POLN: variants seen among roughly 807,000 people sequenced by gnomAD.
POLN encodes the protein DNA polymerase N.
A neutral mutation model predicts 113.5 loss-of-function variants in POLN; 108 were observed. The ratio of observed to expected loss-of-function variants is 0.95; its 90% CI spans 0.81 to 1.12. POLN has a LOEUF of 1.12. POLN is among the 50% of genes most tolerant of loss of function. POLN has a pLI of 0.00. For synonymous variants in POLN, 386 were observed against 391.5 expected (o/e 0.99, Z 0.17); for missense variants, 1,097 against 1,077.1 (o/e 1.02, Z -0.26).
At chr4:2,119,369 C>T (rs568261628) in intron 19 of POLN, among the ~76,000 whole-genome samples, 2 of 152,048 alleles carry the variant, frequency 1.3e-5, no homozygotes, top group Non-Finnish European at 2.9e-5. Flanking sequence ...TGTCTTGGAC[C>T]CCGAAGTGCA....
chr4:2,186,055 A>C (rs971609985), intron 7 of POLN, among the ~76,000 whole-genome samples: 8 of 152,188 alleles, frequency 5.3e-5, no homozygotes, highest in African/African-American at 1.9e-4. Context: ...TTCCAAGGCC[A>C]CACAGAAGTG....
At chr4:2,086,684 G>C (rs1454774759) in intron 20 of POLN, among the ~76,000 whole-genome samples, 2 of 152,086 alleles carry the variant, frequency 1.3e-5, no homozygotes, top group South Asian at 2.1e-4. Flanking sequence ...TGGGATCCTA[G>C]GGAAAGCCTT....
At chr4:2,080,801 A>C in intron 23 of POLN, 157 bp downstream of exon 23, 4 of 1,505,264 alleles carry the variant, frequency 2.7e-6, no homozygotes, top group Non-Finnish European at 3.5e-6. Context: ...GCCTGCTGTG[A>C]GTAGCCCCCA....
intron 13 of POLN, among the ~76,000 whole-genome samples, chr4:2,166,223 T>G (rs1448187354): frequency 2.6e-5 from 4 of 152,154 alleles, no homozygotes; most frequent in African/African-American, 4.8e-5. Flanking sequence ...CTCAACCCCA[T>G]CCCTCCCATT....
intron 24 of POLN, among the ~76,000 whole-genome samples, chr4:2,073,393 G>A (rs901102576): frequency 2.0e-5 from 3 of 152,320 alleles, no homozygotes; most frequent in East Asian, 3.9e-4. Flanking sequence ...TGGGGCAGGC[G>A]TCATGCCAGC....
intron 11 of POLN, 141 bp downstream of exon 11, chr4:2,173,814 C>T (rs570382624): frequency 2.8e-5 from 22 of 799,822 alleles, no homozygotes; most frequent in Admixed American, 2.1e-4. Context: ...CCCCTGCAGG[C>T]GTCAGAAAGA....
intron 19 of POLN, among the ~76,000 whole-genome samples, chr4:2,102,369 C>G (rs1730947070): frequency 6.6e-6 from 1 of 152,186 alleles, no homozygotes; most frequent in Non-Finnish European, 1.5e-5. Context: ...ACCATTACCA[C>G]CTCAGCTGGC....
intron 7 of POLN, among the ~76,000 whole-genome samples, chr4:2,189,291 T>C (rs1372980942): frequency 6.6e-6 from 1 of 152,242 alleles, no homozygotes; most frequent in East Asian, 1.9e-4. Flanking sequence ...ACTTTACTTA[T>C]ACAGACTTAC....
chr4:2,220,455 G>A (rs1734228497), intron 3 of POLN, among the ~76,000 whole-genome samples: 1 of 152,196 alleles, frequency 6.6e-6, no homozygotes, highest in Admixed American at 6.5e-5. Flanking sequence ...TACCCCATAG[G>A]TGGGTTCCCA....
chr4:2,101,533 A>G (rs2108704771), intron 19 of POLN, among the ~76,000 whole-genome samples: 1 of 152,362 alleles, frequency 6.6e-6, no homozygotes, highest in Middle Eastern at 3.4e-3. Flanking sequence ...GGGGGATTGT[A>G]CAATCCAGGC....
intron 2 of POLN, chr4:2,238,478 A>G: frequency 1.8e-6 from 1 of 562,916 alleles, no homozygotes; most frequent in Non-Finnish European, 2.9e-6. Context: ...TGGAAAAAAA[A>G]TAGAAAGGCC....
At chr4:2,228,993 A>T (rs560558272) in intron 3 of POLN, 106 bp downstream of exon 3, 24 of 1,121,370 alleles carry the variant, frequency 2.1e-5, no homozygotes, top group Non-Finnish European at 6.3e-6. Flanking sequence ...AAGGGGCGGG[A>T]GCTGGGCTTC....
chr4:2,190,603 G>A (rs1228940888), intron 7 of POLN, among the ~76,000 whole-genome samples: 3 of 151,894 alleles, frequency 2.0e-5, no homozygotes, highest in Non-Finnish European at 4.4e-5. Context: ...TCACAGAATG[G>A]AAGAAAATAT....
Position 2,241,806 on chromosome 4 carries a change from C to A in POLN, c.-283-16G>T, listed in dbSNP as rs1379759825. The A allele has an allele frequency of 9.1e-6, 9 of 985,376 alleles. No homozygotes were observed. The highest frequency in any genetic ancestry group is 8.4e-6 in the Non-Finnish European group (7 of 829,970). 61.0% of individuals were successfully genotyped at this position (985,376 alleles called of 1,614,324 possible). ...CCTAAGCACGCTGACAAAACAAACG[C>A]ACAAGCCCACCGAATCGCCGTCGAC... On this transcript the variant is annotated splice_polypyrimidine_tract_variant and intron_variant, in intron 1 of 25. Transcript: ENST00000511885.
At chr4:2,223,434 A>C (rs905823332) in intron 3 of POLN, among the ~76,000 whole-genome samples, 9 of 152,194 alleles carry the variant, frequency 5.9e-5, no homozygotes, top group African/African-American at 2.2e-4. Context: ...AAGGGATAAT[A>C]GGTTGCGAGC....
intron 11 of POLN, among the ~76,000 whole-genome samples, chr4:2,173,080 T>C (rs1262747968): frequency 6.6e-6 from 1 of 152,150 alleles, no homozygotes; most frequent in Non-Finnish European, 1.5e-5. Flanking sequence ...CTACATTGCT[T>C]AGGCTTTGAA....
intron 19 of POLN, among the ~76,000 whole-genome samples, chr4:2,121,328 CGGAG>C (rs1731434756): frequency 1.3e-5 from 2 of 151,556 alleles, no homozygotes; most frequent in Admixed American, 1.3e-4. Context: ...CCAGCTACTC[CGGAG>C]GCTGAGGCAG....
At chr4:2,225,863 C>T (rs1734373987) in intron 3 of POLN, among the ~76,000 whole-genome samples, 1 of 151,686 alleles carries the variant, frequency 6.6e-6, no homozygotes, top group East Asian at 1.9e-4. Flanking sequence ...TAGCCAGACA[C>T]AGTAGCAAGT....
chr4:2,127,857 C>T lies in POLN; in HGVS notation c.1982+256G>A, dbSNP rs1259963689. ...GCTCGCCTGCAGGGCGCGGGACTCG[C>T]TGGTTATTTTATCATTTCTATTACA... On this transcript the variant is annotated intron_variant, in intron 19 of 25. Coordinates refer to ENST00000511885, the MANE Select transcript of POLN (RefSeq NM_181808.4). The surrounding 1 kb of genome is among the most constrained non-coding windows in gnomAD (Gnocchi z 4.7). 3.9e-5 allele frequency among the ~76,000 whole-genome samples: 6 copies of T among 152,234 alleles called. No homozygotes were observed. The highest frequency in any genetic ancestry group is 1.5e-5 in the Non-Finnish European group (1 of 68,040).
Sources: allele counts gnomAD v4.1 joint callset (sites outside exome capture counted in the v4.1 genomes callset), GRCh38; gene constraint gnomAD v4.1.1; non-coding constraint Gnocchi (gnomAD v3.1); transcripts MANE v1.5; gene names NCBI Gene and HGNC (gene_info 2026-07-23, HGNC 2026-07-21).